The following FAM219A variants were observed in gnomAD, a reference collection of about 807,000 sequenced individuals.
FAM219A encodes the protein family with sequence similarity 219 member A.
A neutral mutation model predicts 23.4 loss-of-function variants in FAM219A; 7 were observed. The observed-to-expected ratio is 0.30, with a 90% CI of 0.17 to 0.56. The LOEUF is 0.56. Ranked by LOEUF, FAM219A falls within the 20% of genes least tolerant of loss-of-function variation. The pLI, the probability that FAM219A is intolerant of heterozygous loss-of-function variation, is 0.92. For missense variants in FAM219A, 166 were observed against 246.9 expected (o/e 0.67, Z 2.20); for synonymous variants, 93 against 99.0 (o/e 0.94, Z 0.36).
At chr9:34,454,577 T>C (rs1188444514) in intron 1 of FAM219A, among the ~76,000 whole-genome samples, 1 of 152,078 alleles carries the variant, frequency 6.6e-6, no homozygotes, top group Non-Finnish European at 1.5e-5. Flanking sequence ...GCCACTCCTT[T>C]CAGGCAAACT....
chr9:34,450,255 G>A (rs1163898961), intron 1 of FAM219A, among the ~76,000 whole-genome samples: 2 of 150,804 alleles, frequency 1.3e-5, no homozygotes, highest in African/African-American at 4.9e-5. Flanking sequence ...GGAGTTTGCA[G>A]TGAGCCAAGA....
At chr9:34,446,817 C>T (rs1269975302) in intron 1 of FAM219A, among the ~76,000 whole-genome samples, 2 of 152,168 alleles carry the variant, frequency 1.3e-5, no homozygotes, top group Non-Finnish European at 1.5e-5. Context: ...TTCTAGTCAC[C>T]CAATCTCTTG....
chr9:34,398,408 G>A lies in FAM219A; in HGVS notation c.*2556C>T. The A allele has an allele frequency of 6.5e-7, 1 of 1,544,232 alleles. No individual in the cohort carries two copies. Among genetic ancestry groups the A allele is most frequent in the East Asian group, 2.4e-5 (1 of 40,896 alleles). Reference sequence around the variant, plus strand: ...AGGCAGTATCTACAAGGGGAAGGGTGGCAGGAGGGCAAGCTAAGGCCTAGA... The same window carrying A: ...AGGCAGTATCTACAAGGGGAAGGGTAGCAGGAGGGCAAGCTAAGGCCTAGA... On this transcript the variant is annotated 3_prime_UTR_variant, in exon 6 of 6. Coordinates refer to ENST00000651358, the MANE Select transcript of FAM219A (RefSeq NM_001184940.2).
intron 1 of FAM219A, among the ~76,000 whole-genome samples, chr9:34,419,537 A>G (rs959480393): frequency 6.6e-6 from 1 of 152,124 alleles, no homozygotes; most frequent in Non-Finnish European, 1.5e-5. Flanking sequence ...GACACTGAGG[A>G]GAATACTGCC....
chr9:34,413,474 A>G (rs997027364), intron 1 of FAM219A, among the ~76,000 whole-genome samples: 11 of 152,136 alleles, frequency 7.2e-5, no homozygotes, highest in Non-Finnish European at 1.5e-4. Context: ...TGAACATGAT[A>G]ATCCAGGGCA....
At position 34,416,269 on chromosome 9, in the gene FAM219A, G is replaced by GGAAGGAA. The variant is rs1554676890; in HGVS notation, c.61-10306_61-10305insTTCCTTC. Reference sequence around the variant, plus strand: ...AAAGAAAGAAAGAAAGGGGGAGGGAGGGAGGGAAGGAAGGAAGGAAGGAAG... The same window carrying GGAAGGAA: ...AAAGAAAGAAAGAAAGGGGGAGGGAGGAAGGAAGGAGGGAAGGAAGGAAGGAAGGAAG... On this transcript the variant is annotated intron_variant, in intron 1 of 5. Transcript: ENST00000651358. Among the ~76,000 whole-genome samples, 89 of 69,942 alleles carry GGAAGGAA rather than the reference G, an allele frequency of 1.3e-3. 3 individuals carry two copies. In the South Asian group the frequency reaches 0.016, roughly 13 times the overall value. The allele number at this position is 69,942 out of a possible 152,430, so 45.9% of individuals were successfully genotyped here.
intron 1 of FAM219A, among the ~76,000 whole-genome samples, chr9:34,453,470 T>C (rs1482430291): frequency 6.6e-6 from 1 of 152,180 alleles, no homozygotes; most frequent in African/African-American, 2.4e-5. Flanking sequence ...TGACACTTCA[T>C]TGATCTCTAC....
chr9:34,438,458 T>C (rs564019942), intron 1 of FAM219A, among the ~76,000 whole-genome samples: 1 of 152,288 alleles, frequency 6.6e-6, no homozygotes, highest in South Asian at 2.1e-4. Context: ...TCAGGGATTG[T>C]AACTACACCA....
chr9:34,447,654 G>A (rs1823420221), intron 1 of FAM219A, among the ~76,000 whole-genome samples: 1 of 152,104 alleles, frequency 6.6e-6, no homozygotes, highest in Non-Finnish European at 1.5e-5. Flanking sequence ...TGCTTCTTTG[G>A]TCAAGGGCTT....
chr9:34,457,116 G>C lies in FAM219A; in HGVS notation c.60+1088C>G, dbSNP rs1363806035. Among the ~76,000 whole-genome samples the C allele has an allele frequency of 6.6e-6, 1 of 152,176 alleles. No homozygotes were observed. The highest frequency in any genetic ancestry group is 6.5e-5 in the Admixed American group (1 of 15,278). ...CCAGCCAGCACAGCTCAGAGAAATG[G>C]GGCATCCACACTTTCGGATTTGTAG... On this transcript the variant is annotated intron_variant, in intron 1 of 5. Coordinates refer to ENST00000651358, the MANE Select transcript of FAM219A (RefSeq NM_001184940.2). This position sits in a 1 kb window ranked among gnomAD's most constrained non-coding sequence, Gnocchi z 5.1.
chr9:34,452,939 C>T (rs1384640817), intron 1 of FAM219A, among the ~76,000 whole-genome samples: 3 of 152,160 alleles, frequency 2.0e-5, no homozygotes, highest in Non-Finnish European at 2.9e-5. Context: ...TGTGCATCTC[C>T]CTGGAGCAAA....
chr9:34,458,569 T>C lies in FAM219A; in HGVS notation c.-306A>G, dbSNP rs1368037307. ...TCAGCAGCTCAGCCACTGCGGTGAC[T>C]CGGCAACTCCACTTCCGGGTCCGGG... On this transcript the variant is annotated 5_prime_UTR_variant, in exon 1 of 6. Coordinates refer to ENST00000651358, the MANE Select transcript of FAM219A (RefSeq NM_001184940.2). This position sits in a 1 kb window ranked among gnomAD's most constrained non-coding sequence, Gnocchi z 6.6. The C allele has an allele frequency of 1.0e-5, 4 of 388,596 alleles. No homozygotes were observed. The highest frequency in any genetic ancestry group is 1.4e-5 in the Non-Finnish European group (3 of 211,904). The allele number at this position is 388,596 out of a possible 1,614,324, so 24.1% of individuals were successfully genotyped here. A position where few individuals can be genotyped will look rare whatever the true frequency, so the allele number is the denominator to read the frequency against.
At chr9:34,409,881 G>T (rs902099005) in intron 1 of FAM219A, among the ~76,000 whole-genome samples, 1 of 152,090 alleles carries the variant, frequency 6.6e-6, no homozygotes, top group Non-Finnish European at 1.5e-5. Context: ...TTTTAAAAAA[G>T]GTTGAAATCT....
intron 1 of FAM219A, among the ~76,000 whole-genome samples, chr9:34,416,183 AAAAGAAAGAAAG>A (rs757662813): frequency 0.2 from 12,620 of 63,932 alleles, 1,438 homozygotes; most frequent in Middle Eastern, 0.24. Flanking sequence ...GAAGAAAGAG[AAAAGAAAGAAAG>A]AAAGAAAGAA....
At position 34,457,973 on chromosome 9, in the gene FAM219A, T is replaced by C. The variant is rs1338660567; in HGVS notation, c.60+231A>G. 6.6e-6 allele frequency among the ~76,000 whole-genome samples: 1 copy of C among 152,168 alleles called. No individual in the cohort carries two copies. The highest frequency in any genetic ancestry group is 1.9e-4 in the East Asian group (1 of 5,174). ...CCCTCCGTTCCATCCGACGGTGCCCTGCTTCCACCGACGGTGCCCTCCGCC... is the reference window on the plus strand; with the variant it reads ...CCCTCCGTTCCATCCGACGGTGCCCCGCTTCCACCGACGGTGCCCTCCGCC... On this transcript the variant is annotated intron_variant, in intron 1 of 5. Transcript: ENST00000651358. This position sits in a 1 kb window ranked among gnomAD's most constrained non-coding sequence, Gnocchi z 5.1.
intron 1 of FAM219A, among the ~76,000 whole-genome samples, chr9:34,416,835 A>G (rs1329713451): frequency 6.9e-5 from 8 of 115,224 alleles, no homozygotes; most frequent in Non-Finnish European, 1.3e-4. Flanking sequence ...TTTTTTAAAT[A>G]GAGGCAGGGT....
intron 2 of FAM219A, among the ~76,000 whole-genome samples, chr9:34,404,645 T>C (rs1588031308): frequency 1.3e-5 from 2 of 151,872 alleles, no homozygotes; most frequent in South Asian, 4.1e-4. Context: ...GAAGCGGAGG[T>C]TGCAGTGAGC....
rs1324325908 is a variant in FAM219A, at chr9:34,398,929, C to T, written c.*2035G>A. Reference sequence around the variant, plus strand: ...CATTTTCTCATCATCTAACTTGGGTCCCTGCACTAGAGGAGGTAGGAATGG... The same window carrying T: ...CATTTTCTCATCATCTAACTTGGGTTCCTGCACTAGAGGAGGTAGGAATGG... On this transcript the variant is annotated 3_prime_UTR_variant, in exon 6 of 6. Coordinates refer to ENST00000651358, the MANE Select transcript of FAM219A (RefSeq NM_001184940.2). 1 of 156,264 alleles carries T rather than the reference C, an allele frequency of 6.4e-6. No homozygotes were observed. The highest frequency in any genetic ancestry group is 1.4e-5 in the Non-Finnish European group (1 of 70,410). 9.7% of individuals were successfully genotyped at this position (156,264 alleles called of 1,614,324 possible).
chr9:34,438,955 G>T (rs932046481), intron 1 of FAM219A, among the ~76,000 whole-genome samples: 2 of 152,220 alleles, frequency 1.3e-5, no homozygotes, highest in Non-Finnish European at 2.9e-5. Flanking sequence ...TTTATGAGGT[G>T]TAACACTCAC....
Sources: allele counts gnomAD v4.1 joint callset (sites outside exome capture counted in the v4.1 genomes callset), GRCh38; gene constraint gnomAD v4.1.1; non-coding constraint Gnocchi (gnomAD v3.1); transcripts MANE v1.5; gene names NCBI Gene and HGNC (gene_info 2026-07-23, HGNC 2026-07-21).